The following KIF16B variants were observed in gnomAD, a reference collection of about 807,000 sequenced individuals.
The protein encoded by KIF16B is kinesin-like protein KIF16B.
KIF16B carries 98 observed loss-of-function variants against 156.3 expected under a neutral mutation model. That is an observed-to-expected ratio of 0.63 (90% confidence interval 0.53 to 0.74). The LOEUF is 0.74. Ranked by LOEUF, KIF16B falls within the 30% of genes least tolerant of loss-of-function variation. The pLI is 0.00. For missense variants in KIF16B, 1,421 were observed against 1,606.5 expected (o/e 0.88, Z 1.97); for synonymous variants, 564 against 583.7 (o/e 0.97, Z 0.49).
chr20:16,556,206 C>T (rs925806307), intron 1 of KIF16B, among the ~76,000 whole-genome samples: 6 of 152,324 alleles, frequency 3.9e-5, no homozygotes, highest in African/African-American at 1.2e-4. Flanking sequence ...AACTTCTTTA[C>T]ATGACACTCT....
intron 15 of KIF16B, among the ~76,000 whole-genome samples, chr20:16,413,964 T>C (rs997318217): frequency 6.6e-6 from 1 of 152,032 alleles, no homozygotes; most frequent in Non-Finnish European, 1.5e-5. Context: ...TGTGACATTT[T>C]CCTTCTGATT....
At chr20:16,485,926 C>T (rs1568591103) in intron 12 of KIF16B, among the ~76,000 whole-genome samples, 1 of 151,880 alleles carries the variant, frequency 6.6e-6, no homozygotes, top group East Asian at 1.9e-4. Context: ...TATAAATTCA[C>T]TTAGCATAAG....
chr20:16,440,746 C>A (rs978301908), intron 12 of KIF16B, among the ~76,000 whole-genome samples: 1 of 152,050 alleles, frequency 6.6e-6, no homozygotes, highest in African/African-American at 2.4e-5. Context: ...TAATACTGCC[C>A]TTTTAATGAA....
intron 17 of KIF16B, among the ~76,000 whole-genome samples, chr20:16,389,574 C>T (rs1389365747): frequency 6.6e-6 from 1 of 152,178 alleles, no homozygotes; most frequent in Non-Finnish European, 1.5e-5. Context: ...ACACTACCAT[C>T]CCCTAGGAAA....
intron 24 of KIF16B, among the ~76,000 whole-genome samples, chr20:16,334,691 C>T (rs186728744): frequency 2.5e-4 from 38 of 152,164 alleles, no homozygotes; most frequent in African/African-American, 8.2e-4. Flanking sequence ...TAATGAGTAC[C>T]TTGAGATCTG....
At chr20:16,331,277 A>G (rs1346532882) in intron 24 of KIF16B, among the ~76,000 whole-genome samples, 1 of 152,228 alleles carries the variant, frequency 6.6e-6, no homozygotes. Flanking sequence ...ACCAAAAGAA[A>G]ACAAATCTCC....
chr20:16,545,014 A>G (rs1313990291), intron 1 of KIF16B, among the ~76,000 whole-genome samples: 1 of 152,252 alleles, frequency 6.6e-6, no homozygotes, highest in African/African-American at 2.4e-5. Flanking sequence ...CCCCAAAAAT[A>G]TCAATTAACT....
chr20:16,507,885 A>C (rs1166560987), intron 7 of KIF16B, 73 bp downstream of exon 7: 1 of 1,488,592 alleles, frequency 6.7e-7, no homozygotes, highest in African/African-American at 1.4e-5. Context: ...AACAATGATC[A>C]GTCCTCAGCT....
At chr20:16,506,383 G>A (rs1397024546) in intron 7 of KIF16B, among the ~76,000 whole-genome samples, 193 bp from the exon 8 acceptor site, 1 of 152,184 alleles carries the variant, frequency 6.6e-6, no homozygotes, top group African/African-American at 2.4e-5. Context: ...AGAAGTTACT[G>A]TATATGATTC....
chr20:16,513,574 C>T (rs1217326928), intron 4 of KIF16B, among the ~76,000 whole-genome samples: 5 of 149,534 alleles, frequency 3.3e-5, no homozygotes, highest in Non-Finnish European at 7.4e-5. Context: ...GCAGGAGAAT[C>T]GCTTGAACCT....
chr20:16,345,516 A>C (rs59741960), intron 23 of KIF16B, among the ~76,000 whole-genome samples: 2,363 of 152,350 alleles, frequency 0.016, 69 homozygotes, highest in African/African-American at 0.054. Flanking sequence ...AGTAGGCATT[A>C]CGGGACGTAA....
At chr20:16,443,096 AGAGCAT>A (rs1206782301) in intron 12 of KIF16B, among the ~76,000 whole-genome samples, 1 of 152,214 alleles carries the variant, frequency 6.6e-6, no homozygotes, top group Non-Finnish European at 1.5e-5. Flanking sequence ...AATGTTCACT[AGAGCAT>A]GTTGGATTTC....
chr20:16,485,154 TG>T (rs2146867499), intron 12 of KIF16B, among the ~76,000 whole-genome samples: 1 of 152,238 alleles, frequency 6.6e-6, no homozygotes, highest in African/African-American at 2.4e-5. Context: ...CTGATGGGGA[TG>T]AGGGACACAA....
intron 25 of KIF16B, among the ~76,000 whole-genome samples, chr20:16,303,452 A>G (rs994410278): frequency 6.6e-6 from 1 of 152,238 alleles, no homozygotes; most frequent in African/African-American, 2.4e-5. Flanking sequence ...TGCACTGAGA[A>G]TAATGATGCT....
chr20:16,298,528 G>A (rs995709025), intron 25 of KIF16B, among the ~76,000 whole-genome samples: 1 of 152,092 alleles, frequency 6.6e-6, no homozygotes, highest in Non-Finnish European at 1.5e-5. Flanking sequence ...ATTCTCTGAT[G>A]GTAGTTTGTA....
At chr20:16,323,604 G>C (rs2063802054) in intron 24 of KIF16B, among the ~76,000 whole-genome samples, 1 of 151,954 alleles carries the variant, frequency 6.6e-6, no homozygotes, top group Admixed American at 6.6e-5. Context: ...TATGAAGGGA[G>C]TGATGAGCTA....
chr20:16,466,664 T>A (rs1238889960), intron 12 of KIF16B, among the ~76,000 whole-genome samples: 1 of 152,236 alleles, frequency 6.6e-6, no homozygotes, highest in African/African-American at 2.4e-5. Flanking sequence ...CCATTAAACA[T>A]CTTTACTTTA....
Position 16,526,168 on chromosome 20 carries a change from C to T in KIF16B, c.155G>A (p.Arg52Gln), listed in dbSNP as rs1311392380. 3.1e-6 allele frequency: 5 copies of T among 1,606,004 alleles called. No homozygotes were observed. The East Asian group carries it at 6.7e-5, about 22-fold the overall frequency. ...AAAGTCATAGGTGAAGGTCTTGGTC[C>T]GTTCTCTTCCTGAGTCCCCAGTGCC... ...EGGTGDSGRE[R>Q]TKTFTYDFSF... Residue 52 changes from arginine to glutamine, a missense_variant, in exon 3 of 26, where the codon CGG (arginine) becomes CAG (glutamine). Arg to Gln is a conservative substitution (Grantham distance 43). Coordinates refer to ENST00000354981, the MANE Select transcript of KIF16B (RefSeq NM_024704.5).
intron 12 of KIF16B, among the ~76,000 whole-genome samples, chr20:16,470,231 A>T (rs1347750486): frequency 6.6e-6 from 1 of 152,198 alleles, no homozygotes; most frequent in African/African-American, 2.4e-5. Context: ...AGGGCAGTGA[A>T]ACTATTCTTT....
Sources: allele counts gnomAD v4.1 joint callset (sites outside exome capture counted in the v4.1 genomes callset), GRCh38; gene constraint gnomAD v4.1.1; transcripts MANE v1.5; gene names NCBI Gene and HGNC (gene_info 2026-07-23, HGNC 2026-07-21).